DLC1: variants seen among roughly 807,000 people sequenced by gnomAD.
The protein encoded by DLC1 is DLC1 Rho GTPase activating protein, also known as rho GTPase-activating protein 7.
Under a neutral mutation model 140.3 loss-of-function variants are expected in DLC1, and 54 were observed. The ratio of observed to expected loss-of-function variants is 0.38; its 90% CI spans 0.31 to 0.48. The LOEUF is 0.48. Among genes scored for constraint, DLC1 ranks in the 20% least tolerant of loss-of-function variants. DLC1 has a pLI of 0.96. For missense variants in DLC1, 2,536 were observed against 1,907.0 expected (o/e 1.33, Z -6.14); for synonymous variants, 986 against 728.1 (o/e 1.35, Z -5.70).
chr8:13,377,232 T>C (rs1167409184), intron 4 of DLC1, among the ~76,000 whole-genome samples: 1 of 152,226 alleles, frequency 6.6e-6, no homozygotes, highest in South Asian at 2.1e-4. Context: ...AGATTTCCAA[T>C]GTTTGTTCAA....
At chr8:13,179,770 A>G (rs1825940687) in intron 5 of DLC1, among the ~76,000 whole-genome samples, 1 of 152,120 alleles carries the variant, frequency 6.6e-6, no homozygotes, top group South Asian at 2.1e-4. Flanking sequence ...TAATTACCAG[A>G]GGCAGAGAAA....
In DLC1 at chr8:13,123,894, A is replaced by G. The variant is rs546987505; in HGVS notation, c.1349-8237T>C. Among the ~76,000 whole-genome samples, 18 of 152,282 alleles carry G rather than the reference A, an allele frequency of 1.2e-4. No individual in the cohort carries two copies. In the South Asian group the frequency reaches 3.5e-3, roughly 30 times the overall value. On this transcript the variant is annotated intron_variant, in intron 5 of 17. Transcript: ENST00000276297. Reference sequence around the variant, plus strand: ...CTTAATTTTTCTGACCAGGATCCCCAATAGGAAATACATTCTACATTGTAA... The same window carrying G: ...CTTAATTTTTCTGACCAGGATCCCCGATAGGAAATACATTCTACATTGTAA...
At chr8:13,369,913 TAA>T (rs71207148) in intron 4 of DLC1, among the ~76,000 whole-genome samples, 156 of 141,554 alleles carry the variant, frequency 1.1e-3, no homozygotes, top group African/African-American at 3.0e-3. Context: ...ATTTAAAACT[TAA>T]AAAAAAAAAA....
intron 5 of DLC1, among the ~76,000 whole-genome samples, chr8:13,136,938 CATG>C (rs1253056682): frequency 1.3e-5 from 2 of 152,178 alleles, no homozygotes; most frequent in African/African-American, 4.8e-5. Context: ...GTGCATACCT[CATG>C]AGGGTTTTAC....
chr8:13,122,697 A>G (rs900927853), intron 5 of DLC1, among the ~76,000 whole-genome samples: 6 of 152,088 alleles, frequency 3.9e-5, no homozygotes, highest in Non-Finnish European at 7.4e-5. Context: ...AATATTTATT[A>G]AACTCTAATG....
At chr8:13,326,788 A>C (rs1187891144) in intron 4 of DLC1, among the ~76,000 whole-genome samples, 2 of 152,168 alleles carry the variant, frequency 1.3e-5, no homozygotes, top group Admixed American at 6.5e-5. Context: ...TATTTTCTTC[A>C]GGTTCTCAGG....
At chr8:13,375,458 G>C (rs1176164356) in intron 4 of DLC1, among the ~76,000 whole-genome samples, 2 of 152,124 alleles carry the variant, frequency 1.3e-5, no homozygotes, top group African/African-American at 4.8e-5. Flanking sequence ...CTGCAAACAG[G>C]GACAATTTGA....
At chr8:13,114,786 C>T (rs1005401966) in intron 6 of DLC1, among the ~76,000 whole-genome samples, 2 of 152,148 alleles carry the variant, frequency 1.3e-5, no homozygotes, top group Non-Finnish European at 2.9e-5. Flanking sequence ...AGGGAAATGG[C>T]AGTCAAAATC....
chr8:13,544,159 TC>T (rs1803576698), intron 1 of DLC1, among the ~76,000 whole-genome samples: 1 of 151,124 alleles, frequency 6.6e-6, no homozygotes. Context: ...TTTTTCTCTC[TC>T]TCTCCTCTCT....
chr8:13,370,546 T>A (rs1444636087), intron 4 of DLC1, among the ~76,000 whole-genome samples: 6 of 152,166 alleles, frequency 3.9e-5, no homozygotes, highest in African/African-American at 1.4e-4. Context: ...TTATCCTTGA[T>A]GTTCCTGTGA....
At chr8:13,494,879 A>C (rs1801430892) in intron 2 of DLC1, among the ~76,000 whole-genome samples, 1 of 152,150 alleles carries the variant, frequency 6.6e-6, no homozygotes, top group Non-Finnish European at 1.5e-5. Context: ...TGAACCCAGG[A>C]GGCGGAAGTT....
At chr8:13,329,823 G>A (rs1377755628) in intron 4 of DLC1, among the ~76,000 whole-genome samples, 2 of 152,084 alleles carry the variant, frequency 1.3e-5, no homozygotes, top group African/African-American at 4.8e-5. Context: ...CTCTATACCA[G>A]TGTGGTAACT....
intron 2 of DLC1, among the ~76,000 whole-genome samples, chr8:13,473,645 C>T (rs1800310780): frequency 6.6e-6 from 1 of 151,924 alleles, no homozygotes; most frequent in South Asian, 2.1e-4. Context: ...GCCCAAAATG[C>T]TGATAGTAAT....
At chr8:13,492,514 C>G (rs1193474002) in intron 2 of DLC1, among the ~76,000 whole-genome samples, 1 of 143,096 alleles carries the variant, frequency 7.0e-6, no homozygotes, top group East Asian at 2.0e-4. Flanking sequence ...CTCTCTCTCT[C>G]TCTGTTTTCT....
intron 5 of DLC1, among the ~76,000 whole-genome samples, chr8:13,237,252 C>T (rs760943142): frequency 1.7e-4 from 24 of 144,612 alleles, no homozygotes; most frequent in Non-Finnish European, 9.0e-5. Context: ...CACACACACA[C>T]ACATATATGT....
chr8:13,347,689 G>A lies in DLC1; in HGVS notation c.1315-42387C>T, dbSNP rs1834416676. On this transcript the variant is annotated intron_variant, in intron 4 of 17. Coordinates refer to ENST00000276297, the MANE Select transcript of DLC1 (RefSeq NM_182643.3). ...CCTGGGCCATAAACAAATTGGGAAAGATGGACAGGTCACAGTCTCTCTCCT... is the reference window on the plus strand; with the variant it reads ...CCTGGGCCATAAACAAATTGGGAAAAATGGACAGGTCACAGTCTCTCTCCT... 3.9e-5 allele frequency among the ~76,000 whole-genome samples: 6 copies of A among 152,304 alleles called. No individual in the cohort carries two copies. In the South Asian group the frequency reaches 8.3e-4, roughly 21 times the overall value.
intron 5 of DLC1, among the ~76,000 whole-genome samples, chr8:13,126,542 G>C (rs528458749): frequency 1.3e-5 from 2 of 152,234 alleles, no homozygotes; most frequent in Admixed American, 6.5e-5. Context: ...AGAAAGAAAA[G>C]TATCTAATTA....
intron 5 of DLC1, among the ~76,000 whole-genome samples, chr8:13,148,646 C>G (rs1823599457): frequency 6.6e-6 from 1 of 151,752 alleles, no homozygotes; most frequent in South Asian, 2.1e-4. Flanking sequence ...CATCTGCAGG[C>G]TTGAGAGGGT....
At chr8:13,357,936 A>G (rs911447509) in intron 4 of DLC1, among the ~76,000 whole-genome samples, 2 of 152,148 alleles carry the variant, frequency 1.3e-5, no homozygotes, top group Non-Finnish European at 2.9e-5. Context: ...TATGGTACAG[A>G]TTTTCAAAAA....
Sources: gnomAD v4.1 joint callset for allele counts (sites outside exome capture counted in the v4.1 genomes callset) on GRCh38, gnomAD v4.1.1 for gene constraint, MANE v1.5 for transcripts, NCBI Gene and HGNC (gene_info 2026-07-23, HGNC 2026-07-21) for gene names.